Variants in SYCP2L observed in about 807,000 individuals in gnomAD.
The protein encoded by SYCP2L is synaptonemal complex protein 2 like.
In SYCP2L, 98 loss-of-function variants were observed where a neutral mutation model predicts 125.8. The ratio of observed to expected loss-of-function variants is 0.78; its 90% CI spans 0.66 to 0.92. The LOEUF is 0.92. Among genes scored for constraint, SYCP2L ranks in the 40% least tolerant of loss-of-function variants. SYCP2L has a pLI of 0.00. For synonymous variants in SYCP2L, 317 were observed against 325.4 expected (o/e 0.97, Z 0.28); for missense variants, 842 against 936.4 (o/e 0.90, Z 1.32).
At chr6:10,916,704 T>C (rs1321775064) in intron 14 of SYCP2L, among the ~76,000 whole-genome samples, 1 of 152,154 alleles carries the variant, frequency 6.6e-6, no homozygotes, top group Admixed American at 6.5e-5. Flanking sequence ...ATTTCAACTT[T>C]CTAGCCGAGG....
At chr6:10,970,858 C>T (rs1781757817) in intron 29 of SYCP2L, among the ~76,000 whole-genome samples, 1 of 152,062 alleles carries the variant, frequency 6.6e-6, no homozygotes, top group Non-Finnish European at 1.5e-5. Context: ...GGACAACATT[C>T]TTGGGCTACT....
At chr6:10,972,529 T>C (rs1781791412) in intron 29 of SYCP2L, among the ~76,000 whole-genome samples, 1 of 152,212 alleles carries the variant, frequency 6.6e-6, no homozygotes, top group African/African-American at 2.4e-5. Context: ...CTGGGTTCTT[T>C]GAGCTTTTTG....
At chr6:10,911,585 T>C (rs1780607701) in intron 12 of SYCP2L, among the ~76,000 whole-genome samples, 1 of 152,238 alleles carries the variant, frequency 6.6e-6, no homozygotes, top group South Asian at 2.1e-4. Context: ...CTGAGTCTGG[T>C]AGGCTGATTC....
chr6:10,917,946 T>G (rs1056099610), intron 14 of SYCP2L, among the ~76,000 whole-genome samples: 1 of 152,086 alleles, frequency 6.6e-6, no homozygotes, highest in East Asian at 1.9e-4. Flanking sequence ...TGATAATTGT[T>G]TTGTTTGAGG....
At chr6:10,921,024 C>G (rs765770362) in intron 14 of SYCP2L, among the ~76,000 whole-genome samples, 2 of 152,148 alleles carry the variant, frequency 1.3e-5, no homozygotes, top group Non-Finnish European at 2.9e-5. Flanking sequence ...ATTAGTTGTT[C>G]TTCCTGATGT....
chr6:10,929,123 C>T (rs1780946908), intron 18 of SYCP2L, among the ~76,000 whole-genome samples: 2 of 151,970 alleles, frequency 1.3e-5, no homozygotes, highest in Non-Finnish European at 2.9e-5. Flanking sequence ...AACTCCTGAC[C>T]TCAGGTGATC....
At chr6:10,968,775 G>A (rs1435423958) in intron 29 of SYCP2L, among the ~76,000 whole-genome samples, 1 of 152,156 alleles carries the variant, frequency 6.6e-6, no homozygotes, top group Admixed American at 6.6e-5. Context: ...GATGATGACT[G>A]TCTTTCAGCA....
intron 14 of SYCP2L, among the ~76,000 whole-genome samples, chr6:10,921,302 C>G (rs867609497): frequency 6.6e-6 from 1 of 152,056 alleles, no homozygotes; most frequent in Non-Finnish European, 1.5e-5. Context: ...TAGATTGATT[C>G]CATGTCTTTG....
intron 15 of SYCP2L, 118 bp from the exon 16 acceptor site, chr6:10,926,221 A>G: frequency 4.0e-6 from 3 of 759,214 alleles, no homozygotes; most frequent in Non-Finnish European, 6.5e-6. Context: ...ACAAACTGGT[A>G]AACTTGACTA....
chr6:10,949,641 A>G (rs536806873), intron 23 of SYCP2L, among the ~76,000 whole-genome samples: 47 of 150,882 alleles, frequency 3.1e-4, no homozygotes, highest in Admixed American at 7.9e-4. Context: ...GTGACTGTTC[A>G]TCTCTAGTAA....
At chr6:10,889,358 A>G (rs538684633) in intron 1 of SYCP2L, among the ~76,000 whole-genome samples, 33 of 152,362 alleles carry the variant, frequency 2.2e-4, no homozygotes, top group African/African-American at 7.7e-4. Context: ...TACAGTGTGT[A>G]ATGATCAAAT....
At chr6:10,960,546 T>G (rs1247166841) in intron 26 of SYCP2L, among the ~76,000 whole-genome samples, 2 of 152,170 alleles carry the variant, frequency 1.3e-5, no homozygotes, top group Admixed American at 6.5e-5. Flanking sequence ...TAAGCAAATA[T>G]GACCATTAGA....
At chr6:10,931,412 G>A in intron 19 of SYCP2L, 28 bp from the exon 20 acceptor site, 1 of 1,613,482 alleles carries the variant, frequency 6.2e-7, no homozygotes, top group Non-Finnish European at 8.5e-7. Flanking sequence ...TAATGTATAT[G>A]TTGTGCACTT....
At chr6:10,895,633 G>C (rs527808053) in intron 4 of SYCP2L, among the ~76,000 whole-genome samples, 1 of 151,802 alleles carries the variant, frequency 6.6e-6, no homozygotes, top group East Asian at 2.0e-4. Flanking sequence ...GAACAAAAGG[G>C]GGGGGTACTA....
chr6:10,889,369 CAG>C (rs755181034), intron 1 of SYCP2L, among the ~76,000 whole-genome samples: 3 of 152,150 alleles, frequency 2.0e-5, no homozygotes, highest in Non-Finnish European at 2.9e-5. Flanking sequence ...ATGATCAAAT[CAG>C]GGTAATTATG....
At chr6:10,915,750 A>G (rs921166893) in intron 14 of SYCP2L, among the ~76,000 whole-genome samples, 12 of 152,116 alleles carry the variant, frequency 7.9e-5, no homozygotes, top group Admixed American at 2.6e-4. Context: ...TTTAGCATCT[A>G]TGTTCATCAG....
At chr6:10,908,403 G>C (rs1436800717) in intron 10 of SYCP2L, among the ~76,000 whole-genome samples, 1 of 152,120 alleles carries the variant, frequency 6.6e-6, no homozygotes, top group African/African-American at 2.4e-5. Context: ...TGGTTGTGTT[G>C]TGAGCCATCT....
chr6:10,959,695 C>T (rs1421286617), intron 26 of SYCP2L, among the ~76,000 whole-genome samples: 1 of 150,712 alleles, frequency 6.6e-6, no homozygotes, highest in Admixed American at 6.6e-5. Flanking sequence ...CATGGAGAAA[C>T]CCCATCTCTA....
chr6:10,909,959 T>A (rs1222449561), intron 10 of SYCP2L, among the ~76,000 whole-genome samples, 189 bp from the exon 11 acceptor site: 1 of 152,236 alleles, frequency 6.6e-6, no homozygotes, highest in Non-Finnish European at 1.5e-5. Context: ...TCTGGAAACA[T>A]GATCCTGGAG....
Sources: allele counts gnomAD v4.1 joint callset (sites outside exome capture counted in the v4.1 genomes callset), GRCh38; gene constraint gnomAD v4.1.1; transcripts MANE v1.5; gene names NCBI Gene and HGNC (gene_info 2026-07-23, HGNC 2026-07-21).